SLC44A5: variants seen among roughly 807,000 people sequenced by gnomAD.
The protein encoded by SLC44A5 is solute carrier family 44 member 5.
Under a neutral mutation model 101.8 loss-of-function variants are expected in SLC44A5, and 57 were observed. The observed-to-expected ratio is 0.56, with a 90% confidence interval of 0.45 to 0.70. SLC44A5 has a LOEUF of 0.70. Ranked by LOEUF, SLC44A5 falls within the 30% of genes least tolerant of loss-of-function variation. The pLI is 0.00. For synonymous variants in SLC44A5, 281 were observed against 290.9 expected (o/e 0.97, Z 0.35); for missense variants, 737 against 853.1 (o/e 0.86, Z 1.70).
At chr1:75,374,551 C>A (rs559155864) in intron 3 of SLC44A5, among the ~76,000 whole-genome samples, 3 of 152,266 alleles carry the variant, frequency 2.0e-5, no homozygotes, top group East Asian at 1.9e-4. Flanking sequence ...AGGAAGTCAT[C>A]TTTTGCCCCC....
At chr1:75,719,751 C>T in the SLC44A5 span, among the ~76,000 whole-genome samples, 8 of 152,018 alleles carry the variant, frequency 5.3e-5, no homozygotes, top group African/African-American at 7.3e-5. Context: ...GTTTTACTTC[C>T]GAGAAAACTA....
chr1:75,287,390 C>G (rs1263731822), intron 5 of SLC44A5, among the ~76,000 whole-genome samples: 2 of 132,554 alleles, frequency 1.5e-5, no homozygotes, highest in Non-Finnish European at 3.2e-5. Flanking sequence ...TTCTCTGGTG[C>G]CTTCTTGAGA....
the SLC44A5 span, among the ~76,000 whole-genome samples, chr1:75,712,247 C>A: frequency 6.6e-6 from 1 of 152,196 alleles, no homozygotes; most frequent in African/African-American, 2.4e-5. Flanking sequence ...TCTGAGTTTA[C>A]TATCTGATCT....
At chr1:75,399,438 G>C (rs760992819) in intron 2 of SLC44A5, among the ~76,000 whole-genome samples, 1 of 152,130 alleles carries the variant, frequency 6.6e-6, no homozygotes, top group African/African-American at 2.4e-5. Flanking sequence ...AGATATTCTC[G>C]AGGGCAATAG....
At position 75,263,609 on chromosome 1, in the gene SLC44A5, A is replaced by G. The variant is rs183838565; in HGVS notation, c.260+11349T>C. Among the ~76,000 whole-genome samples, 1,368 of 152,294 alleles carry G rather than the reference A, an allele frequency of 9.0e-3. 33 individuals are homozygous for G. Among genetic ancestry groups the G allele is most frequent in the African/African-American group, 0.031 (1,296 of 41,546 alleles). On this transcript the variant is annotated intron_variant, in intron 6 of 23. Coordinates refer to ENST00000370859, the MANE Select transcript of SLC44A5 (RefSeq NM_001130058.2). ...GATCTAGAACTAGAAATACCATTTGACCCAGCAATCCCATTACTGGGTATA... is the reference window on the plus strand; with the variant it reads ...GATCTAGAACTAGAAATACCATTTGGCCCAGCAATCCCATTACTGGGTATA...
At chr1:75,636,194 G>A in the SLC44A5 span, among the ~76,000 whole-genome samples, 1 of 152,052 alleles carries the variant, frequency 6.6e-6, no homozygotes, top group East Asian at 1.9e-4. Flanking sequence ...TCTGGCTTGT[G>A]AAACTTAACT....
chr1:75,615,436 TACACACACACACACACACACAC>T (rs56337760), upstream of SLC44A5, among the ~76,000 whole-genome samples: 3 of 133,510 alleles, frequency 2.2e-5, no homozygotes, highest in African/African-American at 8.9e-5. Context: ...CACACATACA[TACACACACACACACACACACAC>T]ACACACACAC....
chr1:75,573,051 A>T (rs1337869470), intron 1 of SLC44A5, among the ~76,000 whole-genome samples: 2 of 130,450 alleles, frequency 1.5e-5, no homozygotes, highest in Non-Finnish European at 3.1e-5. Flanking sequence ...TAAACCCGGG[A>T]GGCGGAGGTT....
At chr1:75,565,348 G>A (rs1672735006) in intron 1 of SLC44A5, among the ~76,000 whole-genome samples, 1 of 152,186 alleles carries the variant, frequency 6.6e-6, no homozygotes, top group Non-Finnish European at 1.5e-5. Flanking sequence ...GAGAAGTCTA[G>A]AGAGAACAAT....
At chr1:75,325,496 A>G (rs933718477) in intron 4 of SLC44A5, among the ~76,000 whole-genome samples, 15 of 151,544 alleles carry the variant, frequency 9.9e-5, no homozygotes, top group African/African-American at 3.7e-4. Flanking sequence ...TCGCTTTCCA[A>G]GGTTTCAGTT....
At chr1:75,436,163 A>T (rs1029713917) in intron 2 of SLC44A5, among the ~76,000 whole-genome samples, 1 of 152,122 alleles carries the variant, frequency 6.6e-6, no homozygotes, top group Non-Finnish European at 1.5e-5. Context: ...CTTTATCTTT[A>T]CCATAAAGAA....
Position 75,477,035 on chromosome 1 carries a change from C to A in SLC44A5, c.13+64400G>T, listed in dbSNP as rs533319423. Among the ~76,000 whole-genome samples the A allele has an allele frequency of 1.9e-3, 287 of 152,242 alleles. 1 individual carries two copies. The highest frequency in any genetic ancestry group is 6.3e-3 in the African/African-American group (262 of 41,556). On this transcript the variant is annotated intron_variant, in intron 2 of 23. Transcript: ENST00000370859. The stretch of plus-strand genomic sequence containing the variant: ...GGGCAGACTGACACCTCACAGGACC[C>A]GGTACTCCTCTGAGACAAAACTTCC...
At chr1:75,505,178 T>C (rs559060328) in intron 2 of SLC44A5, among the ~76,000 whole-genome samples, 1 of 152,306 alleles carries the variant, frequency 6.6e-6, no homozygotes, top group African/African-American at 2.4e-5. Flanking sequence ...TTTTGTTCTT[T>C]TTATGGCTGC....
intron 1 of SLC44A5, among the ~76,000 whole-genome samples, chr1:75,557,855 T>A (rs949707218): frequency 2.0e-5 from 3 of 152,144 alleles, no homozygotes; most frequent in African/African-American, 7.2e-5. Flanking sequence ...TATTTATGAC[T>A]ATATTAGAAT....
intron 1 of SLC44A5, among the ~76,000 whole-genome samples, chr1:75,558,528 G>A (rs974932325): frequency 6.6e-6 from 1 of 151,990 alleles, no homozygotes; most frequent in African/African-American, 2.4e-5. Context: ...CAGAGAAGAG[G>A]AAAAACTCCA....
At chr1:75,274,207 T>A (rs1338423424) in intron 6 of SLC44A5, among the ~76,000 whole-genome samples, 1 of 151,906 alleles carries the variant, frequency 6.6e-6, no homozygotes, top group Non-Finnish European at 1.5e-5. Context: ...TAGAGCCAGC[T>A]TTTATAGAAA....
At chr1:75,384,151 A>G (rs1284200215) in intron 3 of SLC44A5, among the ~76,000 whole-genome samples, 1 of 151,996 alleles carries the variant, frequency 6.6e-6, no homozygotes, top group Non-Finnish European at 1.5e-5. Flanking sequence ...GCATGAACTA[A>G]CGAGCAAAAT....
At chr1:75,634,347 G>T in the SLC44A5 span, among the ~76,000 whole-genome samples, 33 of 152,032 alleles carry the variant, frequency 2.2e-4, no homozygotes, top group Non-Finnish European at 4.7e-4. Flanking sequence ...AATCCAACTG[G>T]TCCTGGACTC....
chr1:75,577,135 C>T lies in SLC44A5; in HGVS notation c.-70+33905G>A, dbSNP rs993531516. On this transcript the variant is annotated intron_variant, in intron 1 of 23. Coordinates refer to ENST00000370859, the MANE Select transcript of SLC44A5 (RefSeq NM_001130058.2). ...AATATATCCAGAATTCAAAACTTCT[C>T]TCCACACTCCACCCCTACCCTGATC... Among the ~76,000 whole-genome samples the T allele has an allele frequency of 2.6e-5, 4 of 152,174 alleles. No individual in the cohort carries two copies. In the South Asian group the frequency reaches 8.3e-4, roughly 31 times the overall value.
Sources: gnomAD v4.1 joint callset for allele counts (sites outside exome capture counted in the v4.1 genomes callset) on GRCh38, gnomAD v4.1.1 for gene constraint, MANE v1.5 for transcripts, NCBI Gene and HGNC (gene_info 2026-07-23, HGNC 2026-07-21) for gene names.